SGMS1: variants seen among roughly 807,000 people sequenced by gnomAD.
The protein encoded by SGMS1 is phosphatidylcholine:ceramide cholinephosphotransferase 1.
SGMS1 carries 13 observed loss-of-function variants against 46.2 expected under a neutral mutation model. The ratio of observed to expected loss-of-function variants is 0.28; its 90% CI spans 0.18 to 0.45. SGMS1 has a LOEUF of 0.45. Among genes scored for constraint, SGMS1 ranks in the 20% least tolerant of loss-of-function variants. SGMS1 has a pLI of 1.00. For missense variants in SGMS1, 324 were observed against 519.9 expected (o/e 0.62, Z 3.66); for synonymous variants, 203 against 187.8 (o/e 1.08, Z -0.66).
chr10:50,333,919 T>C (rs900896333), intron 7 of SGMS1, among the ~76,000 whole-genome samples: 16 of 152,220 alleles, frequency 1.1e-4, no homozygotes, highest in African/African-American at 3.6e-4. Flanking sequence ...TGTTACTAAT[T>C]ATTTTAACAA....
chr10:50,457,536 C>T (rs980245944), intron 5 of SGMS1, among the ~76,000 whole-genome samples: 2 of 152,258 alleles, frequency 1.3e-5, no homozygotes, highest in Middle Eastern at 3.4e-3. Flanking sequence ...GTAGTAAGCA[C>T]AGTACCCAAC....
chr10:50,571,528 G>A (rs1677961695), intron 2 of SGMS1, among the ~76,000 whole-genome samples: 1 of 152,120 alleles, frequency 6.6e-6, no homozygotes, highest in African/African-American at 2.4e-5. Context: ...GCACCACATA[G>A]TGTCCAGCAC....
chr10:50,420,359 C>T (rs993174936), intron 6 of SGMS1, among the ~76,000 whole-genome samples: 5 of 152,290 alleles, frequency 3.3e-5, no homozygotes, highest in Non-Finnish European at 5.9e-5. Context: ...GGCATTCGTC[C>T]CCTCTGCCTG....
intron 7 of SGMS1, among the ~76,000 whole-genome samples, chr10:50,334,194 ATAG>A (rs1847675279): frequency 6.6e-6 from 1 of 152,252 alleles, no homozygotes; most frequent in South Asian, 2.1e-4. Context: ...TCTACTTGAG[ATAG>A]TTATGTAGAA....
intron 1 of SGMS1, among the ~76,000 whole-genome samples, chr10:50,596,080 G>A (rs1023425072): frequency 6.6e-6 from 1 of 152,064 alleles, no homozygotes; most frequent in African/African-American, 2.4e-5. Flanking sequence ...TAGCAGGGAG[G>A]TAATTTTAAA....
chr10:50,576,500 C>T (rs774787827), intron 2 of SGMS1, among the ~76,000 whole-genome samples: 1 of 152,192 alleles, frequency 6.6e-6, no homozygotes, highest in Non-Finnish European at 1.5e-5. Context: ...TTCTTCTCAT[C>T]CCCCTCCAAA....
At chr10:50,475,690 C>T (rs941195076) in intron 3 of SGMS1, among the ~76,000 whole-genome samples, 2 of 152,044 alleles carry the variant, frequency 1.3e-5, no homozygotes, top group African/African-American at 2.4e-5. Flanking sequence ...AGTTTAGCAA[C>T]GTCCCCCTAG....
At chr10:50,316,755 C>T (rs60542737) in intron 8 of SGMS1, among the ~76,000 whole-genome samples, 7 of 152,112 alleles carry the variant, frequency 4.6e-5, no homozygotes, top group Non-Finnish European at 7.3e-5. Context: ...ATCCAATACA[C>T]GAATCAAGTA....
chr10:50,502,607 T>C (rs1837671076), intron 3 of SGMS1, among the ~76,000 whole-genome samples: 1 of 152,214 alleles, frequency 6.6e-6, no homozygotes, highest in Admixed American at 6.5e-5. Context: ...AAAATTTTAG[T>C]ATTCTACTCT....
chr10:50,502,351 A>G (rs1275847144), intron 3 of SGMS1, among the ~76,000 whole-genome samples: 2 of 151,270 alleles, frequency 1.3e-5, no homozygotes, highest in Admixed American at 1.3e-4. Flanking sequence ...GTCAGTAAAG[A>G]ACACTACTGG....
At chr10:50,540,499 G>T (rs1838042711) in intron 2 of SGMS1, among the ~76,000 whole-genome samples, 4 of 152,158 alleles carry the variant, frequency 2.6e-5, no homozygotes, top group African/African-American at 9.7e-5. Context: ...TATACCAACA[G>T]ACTGCTATCA....
At chr10:50,504,332 G>A (rs1837687068) in intron 3 of SGMS1, among the ~76,000 whole-genome samples, 1 of 152,090 alleles carries the variant, frequency 6.6e-6, no homozygotes, top group South Asian at 2.1e-4. Context: ...GGTAAGTTTG[G>A]GAAACACTGG....
At chr10:50,605,816 T>C (rs1838689230) in intron 1 of SGMS1, among the ~76,000 whole-genome samples, 1 of 152,194 alleles carries the variant, frequency 6.6e-6, no homozygotes, top group South Asian at 2.1e-4. Context: ...TGCATAGTGG[T>C]CAGGTCAGGG....
At chr10:50,335,818 C>CA in intron 7 of SGMS1, 1 of 152,264 alleles carries the variant, frequency 6.6e-6, no homozygotes, top group African/African-American at 2.4e-5. Flanking sequence ...TATATGAACC[C>CA]AAATATGAGC....
At chr10:50,370,162 C>T (rs939846805) in intron 6 of SGMS1, among the ~76,000 whole-genome samples, 4 of 152,188 alleles carry the variant, frequency 2.6e-5, no homozygotes, top group Non-Finnish European at 4.4e-5. Flanking sequence ...TAGGACATTA[C>T]TGTACACTAC....
At chr10:50,557,935 T>A (rs1308530865) in intron 2 of SGMS1, among the ~76,000 whole-genome samples, 1 of 152,228 alleles carries the variant, frequency 6.6e-6, no homozygotes, top group Admixed American at 6.5e-5. Context: ...CAGTAGGTTT[T>A]GAGTTTACAA....
intron 2 of SGMS1, among the ~76,000 whole-genome samples, chr10:50,557,751 C>A (rs1838200704): frequency 6.6e-6 from 1 of 150,808 alleles, no homozygotes; most frequent in African/African-American, 2.4e-5. Context: ...GCTTAGGAAA[C>A]CTTAATCTTT....
intron 2 of SGMS1, among the ~76,000 whole-genome samples, chr10:50,552,487 T>C (rs1268382192): frequency 1.3e-5 from 2 of 152,216 alleles, no homozygotes; most frequent in African/African-American, 4.8e-5. Context: ...GCCTTCATTG[T>C]GCATTGGGAA....
At chr10:50,363,526 A>C (rs1357678799) in intron 6 of SGMS1, among the ~76,000 whole-genome samples, 1 of 152,210 alleles carries the variant, frequency 6.6e-6, no homozygotes, top group Non-Finnish European at 1.5e-5. Flanking sequence ...TAGAATACTG[A>C]AGTTTATCCT....
Sources: gnomAD v4.1 joint callset for allele counts (sites outside exome capture counted in the v4.1 genomes callset) on GRCh38, gnomAD v4.1.1 for gene constraint, MANE v1.5 for transcripts, NCBI Gene and HGNC (gene_info 2026-07-23, HGNC 2026-07-21) for gene names.